Variants in PICALM observed in about 807,000 individuals in gnomAD.
PICALM encodes phosphatidylinositol binding clathrin assembly protein.
A neutral mutation model predicts 80.5 loss-of-function variants in PICALM; 40 were observed. That is an observed-to-expected ratio of 0.50 (90% confidence interval 0.39 to 0.65). PICALM has a LOEUF of 0.65. Among genes scored for constraint, PICALM ranks in the 30% least tolerant of loss-of-function variants. PICALM has a pLI of 0.00. For missense variants in PICALM, 676 were observed against 778.9 expected, an observed-to-expected ratio of 0.87 and a Z score of 1.57; for synonymous variants, 288 against 260.3, an observed-to-expected ratio of 1.11 and a Z score of -1.02.
intron 14 of PICALM, among the ~76,000 whole-genome samples, chr11:85,982,512 C>G (rs1474920122): frequency 7.1e-6 from 1 of 140,054 alleles, no homozygotes; most frequent in Non-Finnish European, 1.5e-5. Flanking sequence ...ACTGCAAGCT[C>G]CACTTCCTGG....
At chr11:85,985,535 A>C (rs572558362) in intron 13 of PICALM, among the ~76,000 whole-genome samples, 1 of 152,334 alleles carries the variant, frequency 6.6e-6, no homozygotes, top group African/African-American at 2.4e-5. Flanking sequence ...TCAAAATACG[A>C]AATAATTTAG....
chr11:85,969,734 G>T, intron 19 of PICALM: 1 of 334,262 alleles, frequency 3.0e-6, no homozygotes, highest in Non-Finnish European at 6.0e-6. Context: ...GCCCAGGTTG[G>T]TCTGGAACTC....
intron 3 of PICALM, among the ~76,000 whole-genome samples, chr11:86,022,728 TTC>T (rs2095587110): frequency 6.6e-6 from 1 of 152,060 alleles, no homozygotes; most frequent in South Asian, 2.1e-4. Flanking sequence ...AACTTCACTA[TTC>T]TCTCAATATT....
At chr11:86,014,355 A>G (rs1288011995) in intron 5 of PICALM, among the ~76,000 whole-genome samples, 4 of 152,258 alleles carry the variant, frequency 2.6e-5, no homozygotes, top group Admixed American at 2.0e-4. Context: ...CTTCTAACAC[A>G]TTATAAATGA....
In PICALM at chr11:86,001,127, G is replaced by A. The variant is rs1389629297; in HGVS notation, c.925C>T (p.Leu309=). The change falls in exon 10 of 20, where the codon CTG becomes TTG. Residue 309 remains leucine (L), a synonymous_variant. Coordinates refer to ENST00000393346, the MANE Select transcript of PICALM (RefSeq NM_007166.4). ...GTCAGAGATAGACCAGTGCTTGCCA[G>A]GGAAGACACTGCATTGGAAAGTGTA... is the stretch of plus-strand genomic sequence containing the variant. ...ATTLSNAVSS[L]ASTGLSLTKV... 2.5e-6 allele frequency: 4 copies of A among 1,614,012 alleles called. No individual in the cohort carries two copies. Among genetic ancestry groups the A allele is most frequent in the Non-Finnish European group, 3.4e-6 (4 of 1,179,896 alleles).
chr11:86,018,888 T>TAA (rs1255654900), intron 4 of PICALM, among the ~76,000 whole-genome samples: 54 of 55,672 alleles, frequency 9.7e-4, no homozygotes, highest in Admixed American at 7.8e-3. Context: ...GACTCTGACT[T>TAA]AAAAAAAAAA....
chr11:86,009,971 G>A (rs942915922), intron 7 of PICALM, among the ~76,000 whole-genome samples: 1 of 152,172 alleles, frequency 6.6e-6, no homozygotes, highest in Non-Finnish European at 1.5e-5. Context: ...ATCCTGTTCT[G>A]TCCTATTGCA....
chr11:86,064,634 T>A (rs2096416698), intron 1 of PICALM, among the ~76,000 whole-genome samples: 1 of 127,508 alleles, frequency 7.8e-6, no homozygotes. Flanking sequence ...GGCAACAGAG[T>A]AAGACCCACC....
At chr11:85,974,928 T>G in intron 18 of PICALM, 116 bp from the exon 19 acceptor site, 2 of 720,570 alleles carry the variant, frequency 2.8e-6, no homozygotes, top group Non-Finnish European at 5.0e-6. Context: ...ACTCAAAGGG[T>G]AACTTCCTCT....
intron 12 of PICALM, among the ~76,000 whole-genome samples, chr11:85,995,208 T>C (rs749883812): frequency 6.6e-6 from 1 of 152,230 alleles, no homozygotes; most frequent in East Asian, 1.9e-4. Context: ...AATATCCTTA[T>C]ATGAAAGTTA....
intron 8 of PICALM, among the ~76,000 whole-genome samples, chr11:86,006,917 T>A (rs945452828): frequency 1.3e-5 from 2 of 152,226 alleles, no homozygotes; most frequent in Non-Finnish European, 2.9e-5. Context: ...CTAATTTTTT[T>A]TTTTGGCATT....
At chr11:86,004,744 A>C (rs1459023565) in intron 8 of PICALM, among the ~76,000 whole-genome samples, 2 of 152,138 alleles carry the variant, frequency 1.3e-5, no homozygotes, top group Admixed American at 6.5e-5. Context: ...AATACCTGCT[A>C]ATTTCTCTAT....
In PICALM at chr11:85,973,508, TATTC is replaced by T. The variant is rs772579258; in HGVS notation, c.1944+1196_1944+1199del. ...TTACAGTACACTGTTACTGTTCTATTATTCATTATTATTAATCTCTTACTGTACT... is the reference window on the plus strand; with the variant it reads ...TTACAGTACACTGTTACTGTTCTATTATTATTATTAATCTCTTACTGTACT... On this transcript the variant is annotated intron_variant, in intron 19 of 19. Coordinates refer to ENST00000393346, the MANE Select transcript of PICALM (RefSeq NM_007166.4). Among the ~76,000 whole-genome samples, 77 of 152,288 alleles carry T rather than the reference TATTC, an allele frequency of 5.1e-4. 1 individual carries two copies. Among genetic ancestry groups the T allele is most frequent in the Non-Finnish European group, 4.3e-4 (29 of 68,016 alleles).
intron 1 of PICALM, among the ~76,000 whole-genome samples, chr11:86,062,662 T>G (rs1329612937): frequency 6.6e-6 from 1 of 152,192 alleles, no homozygotes; most frequent in East Asian, 1.9e-4. Flanking sequence ...AATCCTTCAT[T>G]TTCTGATAAT....
At position 85,983,868 on chromosome 11, in the gene PICALM, C is replaced by G. The variant is rs1323634114; in HGVS notation, c.1514G>C (p.Gly505Ala). ...TTAATAAAATTTTTTTTCCTTACCC[C>G]CAGAATCTACAATAACATTTGTAGA... ...NKSTNVIVDS[G>A]GFDELGGLLK... The change falls in exon 14 of 20, where the codon GGG becomes GCG. Residue 505 changes from glycine to alanine, a missense_variant and splice_region_variant. By Grantham distance (60) the Gly-to-Ala change is moderately conservative (BLOSUM62 0). Around this residue, in one of 2 missense-constraint regions of PICALM, gnomAD observed 391 missense variants for 383.6 expected, o/e 1.02. Coordinates refer to ENST00000393346, the MANE Select transcript of PICALM (RefSeq NM_007166.4). The G allele has an allele frequency of 1.4e-6, 2 of 1,426,750 alleles. No individual in the cohort carries two copies. Among genetic ancestry groups the G allele is most frequent in the South Asian group, 1.2e-5 (1 of 81,116 alleles). The allele number at this position is 1,426,750 out of a possible 1,614,324, so 88.4% of individuals were successfully genotyped here.
chr11:86,008,426 C>T (rs970280378), intron 7 of PICALM, among the ~76,000 whole-genome samples: 2 of 151,984 alleles, frequency 1.3e-5, no homozygotes, highest in African/African-American at 4.8e-5. Flanking sequence ...TCTAGACCAT[C>T]CTGGCTAACA....
chr11:85,968,847 A>C (rs1258144526), intron 19 of PICALM, among the ~76,000 whole-genome samples: 1 of 152,190 alleles, frequency 6.6e-6, no homozygotes, highest in Non-Finnish European at 1.5e-5. Flanking sequence ...AGAACAACAT[A>C]ATAAAGACAG....
intron 19 of PICALM, among the ~76,000 whole-genome samples, chr11:85,961,216 T>C (rs1276705638): frequency 6.6e-6 from 1 of 152,190 alleles, no homozygotes; most frequent in East Asian, 1.9e-4. Flanking sequence ...ACCCAACACA[T>C]CTAGCTGCAA....
chr11:86,035,997 T>C lies in PICALM; in HGVS notation c.131-4386A>G, dbSNP rs1363625437. 2.1e-5 allele frequency among the ~76,000 whole-genome samples: 3 copies of C among 140,590 alleles called. No individual in the cohort carries two copies. In the East Asian group the frequency reaches 6.1e-4, roughly 28 times the overall value. The allele number at this position is 140,590 out of a possible 152,430, so 92.2% of individuals were successfully genotyped here. ...AAAAGAAAATTGGAGATAAAATTAATATGGAAGGCAAGGCAAATTAACTGG... is the reference window on the plus strand; with the variant it reads ...AAAAGAAAATTGGAGATAAAATTAACATGGAAGGCAAGGCAAATTAACTGG... On this transcript the variant is annotated intron_variant, in intron 1 of 19. Coordinates refer to ENST00000393346, the MANE Select transcript of PICALM (RefSeq NM_007166.4).
Sources: gnomAD v4.1 joint callset for allele counts (sites outside exome capture counted in the v4.1 genomes callset) on GRCh38, gnomAD v4.1.1 for gene constraint, gnomAD v4.1.1 regional missense constraint, MANE v1.5 for transcripts, NCBI Gene and HGNC (gene_info 2026-07-23, HGNC 2026-07-21) for gene names.